ABCG2: variants seen among roughly 807,000 people sequenced by gnomAD.
ABCG2 encodes the protein ATP binding cassette subfamily G member 2 (JR blood group), also known as broad substrate specificity ATP-binding cassette transporter ABCG2.
A neutral mutation model predicts 73.5 loss-of-function variants in ABCG2; 80 were observed. The observed-to-expected ratio is 1.09, with a 90% confidence interval of 0.91 to 1.31. ABCG2 has a LOEUF of 1.31. Among genes scored for constraint, ABCG2 ranks in the 50% most tolerant of loss-of-function variants. The pLI is 0.00. For missense variants in ABCG2, 796 were observed against 786.2 expected (o/e 1.01, Z -0.15); for synonymous variants, 269 against 282.4 (o/e 0.95, Z 0.48).
At chr4:88,175,589 C>A (rs1435175513) in intron 1 of ABCG2, among the ~76,000 whole-genome samples, 1 of 152,152 alleles carries the variant, frequency 6.6e-6, no homozygotes, top group Non-Finnish European at 1.5e-5. Context: ...AGGTGACTGG[C>A]CAATGAATTG....
At chr4:88,164,584 G>A (rs1727441589) in intron 1 of ABCG2, among the ~76,000 whole-genome samples, 1 of 152,150 alleles carries the variant, frequency 6.6e-6, no homozygotes, top group Non-Finnish European at 1.5e-5. Flanking sequence ...TGCCATGATT[G>A]TAAGTTTCCT....
At position 88,194,410 on chromosome 4, in the gene ABCG2, C is replaced by T. The variant is rs376540317; in HGVS notation, c.-20+36584G>A. 8.0e-4 allele frequency among the ~76,000 whole-genome samples: 122 copies of T among 151,838 alleles called. 7 individuals are homozygous for T. In the South Asian group the frequency reaches 0.023, roughly 29 times the overall value. On this transcript the variant is annotated intron_variant, in intron 1 of 15. Coordinates refer to the ABCG2 transcript ENST00000515655. ...CTAAAAATACAAAAAATTAGCAGGG[C>T]ATGGTGGCAGGCGCCTGTAGTCCCA... is the stretch of plus-strand genomic sequence containing the variant.
intron 2 of ABCG2, among the ~76,000 whole-genome samples, chr4:88,137,691 A>T (rs2110051883): frequency 6.6e-6 from 1 of 152,240 alleles, no homozygotes; most frequent in Non-Finnish European, 1.5e-5. Context: ...TCAAGAACAC[A>T]CACAAAGGAG....
intron 1 of ABCG2, among the ~76,000 whole-genome samples, chr4:88,218,451 A>C (rs569218588): frequency 1.3e-5 from 2 of 152,200 alleles, no homozygotes; most frequent in African/African-American, 4.8e-5. Context: ...TTTTTAATTA[A>C]TTTTTTATTT....
chr4:88,105,389 C>T (rs1037197124), intron 10 of ABCG2, among the ~76,000 whole-genome samples: 4 of 152,136 alleles, frequency 2.6e-5, no homozygotes, highest in Admixed American at 6.6e-5. Context: ...GCAAGCACTA[C>T]GGAGCACAGT....
intron 5 of ABCG2, among the ~76,000 whole-genome samples, 184 bp downstream of exon 5, chr4:88,130,877 A>C (rs1033494113): frequency 6.6e-6 from 1 of 152,206 alleles, no homozygotes; most frequent in African/African-American, 2.4e-5. Flanking sequence ...ACCAATGTGA[A>C]GATTTTTTTT....
At chr4:88,175,203 A>G (rs1453903014) in intron 1 of ABCG2, among the ~76,000 whole-genome samples, 1 of 152,212 alleles carries the variant, frequency 6.6e-6, no homozygotes. Flanking sequence ...TTCGTTAACC[A>G]CATCCTTTTG....
chr4:88,144,081 C>A (rs557354067), intron 1 of ABCG2, among the ~76,000 whole-genome samples: 2 of 152,272 alleles, frequency 1.3e-5, no homozygotes, highest in East Asian at 3.9e-4. Flanking sequence ...AAGGAAAATA[C>A]CCATCACACA....
rs750256365 is a variant in ABCG2 at position 88,097,624 on chromosome 4, A to T, written c.1493-17T>A. ...GCTTCAATCCTTAGTCAGAAAGAGA[A>T]GAAGTAGTTAACCCAACTGCCTAGG... On this transcript the variant is annotated splice_polypyrimidine_tract_variant and intron_variant, in intron 12 of 15. Coordinates refer to ENST00000237612, the MANE Select transcript of ABCG2 (RefSeq NM_004827.3). 1.1e-5 allele frequency: 18 copies of T among 1,612,948 alleles called. No homozygotes were observed. In the East Asian group the frequency reaches 3.6e-4, roughly 32 times the overall value.
intron 15 of ABCG2, 128 bp downstream of exon 15, chr4:88,094,449 A>G: frequency 1.4e-6 from 1 of 704,904 alleles, no homozygotes; most frequent in Non-Finnish European, 2.4e-6. Context: ...CACTTTATGG[A>G]TGAGAAAACG....
intron 1 of ABCG2, among the ~76,000 whole-genome samples, chr4:88,217,252 T>C (rs904303750): frequency 1.3e-5 from 2 of 152,178 alleles, no homozygotes; most frequent in Admixed American, 1.3e-4. Flanking sequence ...GAACAGTGAA[T>C]TGGCCTGCCT....
At position 88,097,595 on chromosome 4, in the gene ABCG2, T is replaced by G; in HGVS notation, c.1505A>C (p.Lys502Thr). The change falls in exon 13 of 16, where the codon AAG becomes ACG. Residue 502 changes from lysine to threonine, a missense_variant. Physicochemically the swap from Lys to Thr is moderately conservative, Grantham distance 78. Transcript: ENST00000237612. ...IVYFMLGLKP[K>T]ADAFFVMMFT... ...CATCATAACGAAGAAGGCATCTGCCTTTGGCTTCAATCCTTAGTCAGAAAG... is the reference window on the plus strand; with the variant it reads ...CATCATAACGAAGAAGGCATCTGCCGTTGGCTTCAATCCTTAGTCAGAAAG... The G allele has an allele frequency of 6.2e-7, 1 of 1,613,946 alleles. No homozygotes were observed. The highest frequency in any genetic ancestry group is 2.2e-5 in the East Asian group (1 of 44,870).
At chr4:88,184,378 T>C (rs1387223578) in intron 1 of ABCG2, among the ~76,000 whole-genome samples, 1 of 152,032 alleles carries the variant, frequency 6.6e-6, no homozygotes, top group African/African-American at 2.4e-5. Flanking sequence ...AAAATCAACA[T>C]ACAAAAAATC....
chr4:88,159,562 T>C (rs1225335269), upstream of ABCG2, among the ~76,000 whole-genome samples: 1 of 124,502 alleles, frequency 8.0e-6, no homozygotes, highest in Non-Finnish European at 1.9e-5. Flanking sequence ...GCCATCAGGC[T>C]TTGTGAGTGT....
At chr4:88,182,383 G>T (rs1728289528) in intron 1 of ABCG2, among the ~76,000 whole-genome samples, 1 of 152,076 alleles carries the variant, frequency 6.6e-6, no homozygotes, top group African/African-American at 2.4e-5. Context: ...AACTTAATCT[G>T]CACAATACAC....
intron 1 of ABCG2, among the ~76,000 whole-genome samples, chr4:88,170,610 G>A (rs140376898): frequency 3.3e-5 from 5 of 152,316 alleles, no homozygotes; most frequent in East Asian, 1.9e-4. Context: ...TTGCCTCTCC[G>A]GCATTCAAAG....
At chr4:88,219,576 A>ATTTTTTTTTTTTTTTTTTTTTTTTTT (rs5860122) in intron 1 of ABCG2, among the ~76,000 whole-genome samples, 1 of 90,872 alleles carries the variant, frequency 1.1e-5, no homozygotes, top group Non-Finnish European at 2.0e-5. Flanking sequence ...TACCATTCAA[A>ATTTTTTTTTTTTTTTTTTTTTTTTTT]TTTTTTTTTT....
chr4:88,182,582 A>G (rs566728853), intron 1 of ABCG2, among the ~76,000 whole-genome samples: 19 of 152,318 alleles, frequency 1.2e-4, no homozygotes, highest in African/African-American at 4.3e-4. Flanking sequence ...TAAAACTAGA[A>G]ATCAACAACA....
chr4:88,197,194 CAACA>C (rs1234020994), intron 1 of ABCG2, among the ~76,000 whole-genome samples: 3 of 92,840 alleles, frequency 3.2e-5, no homozygotes, highest in African/African-American at 3.4e-5. Context: ...TGGCTTTCAA[CAACA>C]AAAAAAAAAA....
Sources: gnomAD v4.1 joint callset for allele counts (sites outside exome capture counted in the v4.1 genomes callset) on GRCh38, gnomAD v4.1.1 for gene constraint, MANE v1.5 for transcripts, NCBI Gene and HGNC (gene_info 2026-07-23, HGNC 2026-07-21) for gene names.